The following ASB4 variants were observed in gnomAD, a reference collection of about 807,000 sequenced individuals.
ASB4 encodes ankyrin repeat and SOCS box containing 4.
ASB4 carries 35 observed loss-of-function variants against 38.6 expected under a neutral mutation model. That is an observed-to-expected ratio of 0.91 (90% confidence interval 0.69 to 1.20). The LOEUF is 1.20. Ranked by LOEUF, ASB4 falls within the 50% of genes most tolerant of loss-of-function variation. The pLI is 0.00. For missense variants in ASB4, 557 were observed against 527.2 expected (o/e 1.06, Z -0.55); for synonymous variants, 195 against 201.3 (o/e 0.97, Z 0.26).
At chr7:95,507,770 C>T (rs979440050) in intron 2 of ASB4, among the ~76,000 whole-genome samples, 7 of 152,118 alleles carry the variant, frequency 4.6e-5, no homozygotes, top group Non-Finnish European at 8.8e-5. Flanking sequence ...CAGTTGTACA[C>T]ATTGCTTCTT....
At chr7:95,521,433 G>C (rs1468884705) in intron 2 of ASB4, among the ~76,000 whole-genome samples, 1 of 151,922 alleles carries the variant, frequency 6.6e-6, no homozygotes, top group East Asian at 1.9e-4. Flanking sequence ...ATCAAATGTT[G>C]GAAATGATTT....
intron 2 of ASB4, among the ~76,000 whole-genome samples, chr7:95,521,391 T>C (rs940174823): frequency 6.6e-6 from 1 of 152,082 alleles, no homozygotes; most frequent in African/African-American, 2.4e-5. Flanking sequence ...CAAAATACCA[T>C]TTAATTGGCA....
the ASB4 span, among the ~76,000 whole-genome samples, chr7:95,545,840 C>T: frequency 1.3e-5 from 2 of 152,178 alleles, no homozygotes; most frequent in East Asian, 3.8e-4. Flanking sequence ...CATGTTTCTG[C>T]CCATCCCAGG....
At chr7:95,514,599 G>T (rs1234055618) in intron 2 of ASB4, among the ~76,000 whole-genome samples, 1 of 152,066 alleles carries the variant, frequency 6.6e-6, no homozygotes, top group Non-Finnish European at 1.5e-5. Flanking sequence ...TCATCATTCT[G>T]ACAGGCATGC....
At chr7:95,515,004 T>C (rs1232197854) in intron 2 of ASB4, among the ~76,000 whole-genome samples, 1 of 152,208 alleles carries the variant, frequency 6.6e-6, no homozygotes, top group Non-Finnish European at 1.5e-5. Context: ...GCTGGTGACG[T>C]AGACAGTATG....
intron 1 of ASB4, among the ~76,000 whole-genome samples, chr7:95,488,254 T>C (rs147242780): frequency 0.017 from 2,609 of 152,190 alleles, 64 homozygotes; most frequent in African/African-American, 0.058. Context: ...GACAGGAGAA[T>C]GGTGTGAACC....
intron 2 of ASB4, among the ~76,000 whole-genome samples, chr7:95,498,974 T>C (rs1170822617): frequency 6.6e-6 from 1 of 152,220 alleles, no homozygotes; most frequent in Non-Finnish European, 1.5e-5. Context: ...GGTTTATTTC[T>C]GGACTCCAGC....
At position 95,529,478 on chromosome 7, in the gene ASB4, A is replaced by G. The variant is rs183656892; in HGVS notation, c.978+1175A>G. Among the ~76,000 whole-genome samples the G allele has an allele frequency of 1.3e-3, 199 of 152,318 alleles. 1 individual carries two copies. The highest frequency in any genetic ancestry group is 4.5e-3 in the African/African-American group (185 of 41,568). ...GAGGCTTAGTTAGAAGAAAAGTTCTACTAGAGAATTTAAGGGTAGTGCCTT... is the reference window on the plus strand; with the variant it reads ...GAGGCTTAGTTAGAAGAAAAGTTCTGCTAGAGAATTTAAGGGTAGTGCCTT... On this transcript the variant is annotated intron_variant, in intron 3 of 4. Coordinates refer to ENST00000325885, the MANE Select transcript of ASB4 (RefSeq NM_016116.3).
At position 95,528,207 on chromosome 7, in the gene ASB4, G is replaced by A; in HGVS notation, c.882G>A (p.Lys294=). ...NGCAAIQYVL[K]VTSVRPAAQP... Reference sequence around the variant, plus strand: ...GTGCTGCCATCCAGTACGTGCTGAAGGTCACCTCCGTGCGCCCTGCTGCCC... The same window carrying A: ...GTGCTGCCATCCAGTACGTGCTGAAAGTCACCTCCGTGCGCCCTGCTGCCC... The change falls in exon 3 of 5, where the codon AAG becomes AAA. Residue 294 remains lysine (K), a synonymous_variant. Coordinates refer to ENST00000325885, the MANE Select transcript of ASB4 (RefSeq NM_016116.3). 1 of 1,614,176 alleles carries A rather than the reference G, an allele frequency of 6.2e-7. No individual in the cohort carries two copies. The highest frequency in any genetic ancestry group is 8.5e-7 in the Non-Finnish European group (1 of 1,180,032).
At chr7:95,540,855 C>T (rs1320144615), downstream of ASB4, among the ~76,000 whole-genome samples, 1 of 152,084 alleles carries the variant, frequency 6.6e-6, no homozygotes, top group African/African-American at 2.4e-5. Context: ...AGTAGTCGAA[C>T]GATGATTGTA....
At chr7:95,528,514 G>A in intron 3 of ASB4, 1 of 1,428,312 alleles carries the variant, frequency 7.0e-7, no homozygotes, top group East Asian at 2.5e-5. Context: ...GAGCTAGAAT[G>A]AGAAAAAGAG....
intron 2 of ASB4, among the ~76,000 whole-genome samples, chr7:95,507,470 A>G (rs2116610521): frequency 6.6e-6 from 1 of 152,112 alleles, no homozygotes; most frequent in South Asian, 2.1e-4. Flanking sequence ...TTTAAAATCA[A>G]TTAGGTCCCA....
intron 2 of ASB4, among the ~76,000 whole-genome samples, chr7:95,498,074 T>C (rs1055434245): frequency 6.6e-6 from 1 of 152,232 alleles, no homozygotes; most frequent in African/African-American, 2.4e-5. Context: ...GGTAAATTTA[T>C]AAGAAACTGC....
intron 1 of ASB4, among the ~76,000 whole-genome samples, chr7:95,489,396 C>T (rs764749735): frequency 2.4e-4 from 36 of 152,200 alleles, no homozygotes; most frequent in Non-Finnish European, 4.1e-4. Flanking sequence ...AGAAGCCAGC[C>T]TCCAGAGTTC....
the ASB4 span, among the ~76,000 whole-genome samples, chr7:95,550,281 G>A: frequency 0.43 from 65,127 of 151,928 alleles, 14,331 homozygotes; most frequent in East Asian, 0.82. Context: ...GACACAGAGA[G>A]ACTAAGCCAG....
the ASB4 span, among the ~76,000 whole-genome samples, chr7:95,549,160 G>A: frequency 3.3e-5 from 5 of 152,094 alleles, no homozygotes; most frequent in African/African-American, 1.2e-4. Context: ...GAGAGTTACG[G>A]GAGGATGGGG....
chr7:95,533,966 T>C (rs768463268), intron 3 of ASB4, among the ~76,000 whole-genome samples: 1 of 152,236 alleles, frequency 6.6e-6, no homozygotes, highest in East Asian at 1.9e-4. Context: ...CTGAACTTCA[T>C]GGCTTCTGCC....
chr7:95,546,659 G>T, the ASB4 span, among the ~76,000 whole-genome samples: 1 of 152,114 alleles, frequency 6.6e-6, no homozygotes, highest in Non-Finnish European at 1.5e-5. Flanking sequence ...ACTTCCAATT[G>T]CTTAGAGTTG....
intron 2 of ASB4, among the ~76,000 whole-genome samples, chr7:95,513,517 G>A (rs969448643): frequency 6.6e-6 from 1 of 151,846 alleles, no homozygotes; most frequent in African/African-American, 2.4e-5. Flanking sequence ...TCAATGGAGT[G>A]GATGAAGCCC....
Sources: allele counts gnomAD v4.1 joint callset (sites outside exome capture counted in the v4.1 genomes callset), GRCh38; gene constraint gnomAD v4.1.1; transcripts MANE v1.5; gene names NCBI Gene and HGNC (gene_info 2026-07-23, HGNC 2026-07-21).